Variants in TAB3 observed in about 807,000 individuals in gnomAD.
The protein encoded by TAB3 is TGF-beta-activated kinase 1 and MAP3K7-binding protein 3.
In TAB3, 18 loss-of-function variants were observed where a neutral mutation model predicts 48.1. The ratio of observed to expected loss-of-function variants is 0.37; its 90% CI spans 0.26 to 0.55. The LOEUF (loss-of-function observed/expected upper bound fraction) is 0.55, where lower values mean the gene tolerates loss of function less well. Among genes scored for constraint, TAB3 ranks in the 20% least tolerant of loss-of-function variants. The probability of loss-of-function intolerance (pLI) is 0.78; values close to 1 mark genes in which losing one functional copy is unlikely to be tolerated. For missense variants in TAB3, 414 were observed against 549.8 expected (o/e 0.75, Z 2.47); for synonymous variants, 185 against 190.2 (o/e 0.97, Z 0.22).
chrX:30,884,317 G>A (rs2147418188), intron 1 of TAB3, among the ~76,000 whole-genome samples: 1 of 111,739 alleles, frequency 8.9e-6, no homozygotes, highest in African/African-American at 3.3e-5. Flanking sequence ...ACCATTGCTA[G>A]GCATGTTTTA....
chrX:30,849,166 T>C (rs2147349890), intron 7 of TAB3, among the ~76,000 whole-genome samples: 1 of 112,400 alleles, frequency 8.9e-6, no homozygotes, highest in Non-Finnish European at 1.9e-5. Flanking sequence ...CAAATACATA[T>C]AGACTCACAG....
chrX:30,868,621 CGT>C lies in TAB3; in HGVS notation c.-279-1074_-279-1073del, dbSNP rs1444768303. Among the ~76,000 whole-genome samples, 6 of 42,763 alleles carry C rather than the reference CGT, an allele frequency of 1.4e-4. 2 individuals are homozygous for C. Among genetic ancestry groups the C allele is most frequent in the Non-Finnish European group, 2.5e-4 (6 of 23,702 alleles). The allele number at this position is 42,763 out of a possible 115,157, so 37.1% of individuals were successfully genotyped here. ...GAGAGAGAGAGAGAGAGAGAGAGCG[CGT>C]GGGGGGGAGAGACAGAGAGAGAGAG... On this transcript the variant is annotated intron_variant, in intron 2 of 10. Coordinates refer to ENST00000288422, the MANE Select transcript of TAB3 (RefSeq NM_152787.5).
chrX:30,839,936 ATATATAT>A (rs1392854574), intron 9 of TAB3, among the ~76,000 whole-genome samples: 18 of 69,337 alleles, frequency 2.6e-4, no homozygotes, highest in African/African-American at 5.1e-4. Context: ...ATATATATAT[ATATATAT>A]AATATATATT....
intron 1 of TAB3, among the ~76,000 whole-genome samples, chrX:30,880,365 A>C (rs1416415546): frequency 8.9e-6 from 1 of 112,213 alleles, no homozygotes; most frequent in Non-Finnish European, 1.9e-5. Flanking sequence ...AAAGCACAGA[A>C]ACAGAACCAC....
At chrX:30,869,000 C>T (rs149414277) in intron 2 of TAB3, among the ~76,000 whole-genome samples, 3,006 of 108,577 alleles carry the variant, frequency 0.028, 43 homozygotes, top group Middle Eastern at 0.073. Flanking sequence ...GACATAAATG[C>T]TGTTTCTACC....
intron 1 of TAB3, among the ~76,000 whole-genome samples, chrX:30,876,869 C>A (rs1295462189): frequency 9.0e-6 from 1 of 111,373 alleles, no homozygotes; most frequent in Non-Finnish European, 1.9e-5. Flanking sequence ...GAAAATAAAA[C>A]GCTCAGAATG....
At chrX:30,836,727 C>T (rs61169809) in intron 9 of TAB3, 1 of 111,538 alleles carries the variant, frequency 9.0e-6, no homozygotes, top group Non-Finnish European at 1.9e-5. Context: ...TCTGTAGTCC[C>T]AGCTACTCAG....
At chrX:30,837,215 AT>A (rs1938265492) in intron 9 of TAB3, among the ~76,000 whole-genome samples, 1 of 108,987 alleles carries the variant, frequency 9.2e-6, no homozygotes, top group African/African-American at 3.3e-5. Flanking sequence ...TGCCCAGCTA[AT>A]TTTGGTATCT....
chrX:30,839,916 A>T (rs5926965), intron 9 of TAB3, among the ~76,000 whole-genome samples: 13 of 2,888 alleles, frequency 4.5e-3, no homozygotes, highest in Admixed American at 0.011. Flanking sequence ...TATATATATT[A>T]TATATATATA....
chrX:30,835,965 G>A (rs1277216240), intron 9 of TAB3: 1 of 111,807 alleles, frequency 8.9e-6, no homozygotes, highest in East Asian at 2.8e-4. Flanking sequence ...TTGTATTTGA[G>A]TGGCCTGCAA....
chrX:30,859,322 A>G (rs1176765399), intron 5 of TAB3, among the ~76,000 whole-genome samples, 165 bp downstream of exon 5: 1 of 107,765 alleles, frequency 9.3e-6, no homozygotes, highest in African/African-American at 3.4e-5. Flanking sequence ...TATCCAGGCT[A>G]GACTGTCAAC....
At chrX:30,846,423 C>G (rs1938626218) in intron 8 of TAB3, 128 bp downstream of exon 8, 1 of 470,654 alleles carries the variant, frequency 2.1e-6, no homozygotes, top group Non-Finnish European at 3.4e-6. Context: ...AGGGGGATCT[C>G]TTTCCCAGGA....
intron 8 of TAB3, 123 bp downstream of exon 8, chrX:30,846,428 C>A (rs1938626365): frequency 2.1e-6 from 1 of 477,563 alleles, no homozygotes. Context: ...GATCTCTTTC[C>A]CAGGATTGTA....
At chrX:30,866,733 G>A (rs1019842596) in intron 4 of TAB3, among the ~76,000 whole-genome samples, 8 of 109,637 alleles carry the variant, frequency 7.3e-5, no homozygotes, top group Non-Finnish European at 1.3e-4. Flanking sequence ...GGTGGGGGGA[G>A]CCTCCCATGC....
intron 1 of TAB3, among the ~76,000 whole-genome samples, chrX:30,872,396 C>T (rs979091124): frequency 1.8e-5 from 2 of 111,417 alleles, no homozygotes; most frequent in Admixed American, 9.5e-5. Flanking sequence ...TTCCCTGCCA[C>T]CCTACCTTTT....
chrX:30,873,417 C>T (rs904171164), intron 1 of TAB3, among the ~76,000 whole-genome samples: 6 of 105,947 alleles, frequency 5.7e-5, no homozygotes, highest in African/African-American at 1.4e-4. Context: ...CCCAGCTACT[C>T]GGGAGGCTGA....
rs58473340 is a variant in TAB3, at chrX:30,859,684, TA to T, written c.-90-7del. The T allele has an allele frequency of 0.087, 31,931 of 366,250 alleles. 11 individuals carry two copies. Among genetic ancestry groups the T allele is most frequent in the South Asian group, 0.11 (1,975 of 17,727 alleles). The allele number at this position is 366,250 out of a possible 1,213,427, so 30.2% of individuals were successfully genotyped here. ...TCTAGCACCACAGTCATTTTCTATTTAAAAAAAAAAAAAAAGTATGGTTAAG... is the reference window on the plus strand; with the variant it reads ...TCTAGCACCACAGTCATTTTCTATTTAAAAAAAAAAAAAAGTATGGTTAAG... On this transcript the variant is annotated splice_polypyrimidine_tract_variant and splice_region_variant and intron_variant, in intron 4 of 10. Transcript: ENST00000288422.
chrX:30,868,301 A>ATATATATATATATATATATATAAGCTTT (rs1157566847), intron 2 of TAB3, among the ~76,000 whole-genome samples: 1,526 of 6,606 alleles, frequency 0.23, 578 homozygotes, highest in South Asian at 0.74. Context: ...GTGAAAAGCT[A>ATATATATATATATATATATATAAGCTTT]TATATATATA....
chrX:30,847,885 C>CA (rs1234866287), intron 7 of TAB3, among the ~76,000 whole-genome samples: 2 of 111,691 alleles, frequency 1.8e-5, no homozygotes, highest in African/African-American at 3.3e-5. Context: ...GCTAGAGGAA[C>CA]AAAAAAAGTC....
Sources: allele counts gnomAD v4.1 joint callset (sites outside exome capture counted in the v4.1 genomes callset), GRCh38; gene constraint gnomAD v4.1.1; transcripts MANE v1.5; gene names NCBI Gene and HGNC (gene_info 2026-07-23, HGNC 2026-07-21).